Variants in CCBE1 observed in about 807,000 individuals in gnomAD.
CCBE1 encodes collagen and calcium binding EGF domains 1, also known as collagen and calcium-binding EGF domain-containing protein 1.
Under a neutral mutation model 50.0 loss-of-function variants are expected in CCBE1, and 37 were observed. That is an observed-to-expected ratio of 0.74 (90% confidence interval 0.57 to 0.97). The LOEUF is 0.97. Ranked by LOEUF, CCBE1 falls within the 50% of genes least tolerant of loss-of-function variation. CCBE1 has a pLI of 0.00. For synonymous variants in CCBE1, 234 were observed against 203.7 expected (o/e 1.15, Z -1.27); for missense variants, 538 against 523.8 (o/e 1.03, Z -0.26).
chr18:59,606,821 T>C (rs1333930668), intron 2 of CCBE1, among the ~76,000 whole-genome samples: 1 of 152,214 alleles, frequency 6.6e-6, no homozygotes, highest in Non-Finnish European at 1.5e-5. Flanking sequence ...TCACTACATA[T>C]TTCGACAGCT....
intron 6 of CCBE1, 68 bp from the exon 7 acceptor site, chr18:59,448,171 T>C: frequency 6.2e-7 from 1 of 1,604,058 alleles, no homozygotes; most frequent in Non-Finnish European, 8.5e-7. Flanking sequence ...TTTGTCTTGG[T>C]GGGAGAAGCT....
At chr18:59,454,816 T>A in intron 6 of CCBE1, 35 bp downstream of exon 6, 1 of 1,553,848 alleles carries the variant, frequency 6.4e-7, no homozygotes, top group South Asian at 1.1e-5. Flanking sequence ...CCTCCTTCCA[T>A]CAGGCATCAT....
At chr18:59,472,046 C>T (rs994820062) in intron 3 of CCBE1, among the ~76,000 whole-genome samples, 1 of 152,222 alleles carries the variant, frequency 6.6e-6, no homozygotes, top group African/African-American at 2.4e-5. Context: ...TTTTTTCCAA[C>T]ACTTGCAAAA....
chr18:59,678,347 T>G (rs1047541911), intron 2 of CCBE1, among the ~76,000 whole-genome samples: 1 of 152,154 alleles, frequency 6.6e-6, no homozygotes, highest in Non-Finnish European at 1.5e-5. Flanking sequence ...TTCTAACTGC[T>G]GCAATTTAAA....
At chr18:59,621,729 C>G (rs2053712788) in intron 2 of CCBE1, among the ~76,000 whole-genome samples, 1 of 152,224 alleles carries the variant, frequency 6.6e-6, no homozygotes, top group African/African-American at 2.4e-5. Flanking sequence ...CCCTCTGTCA[C>G]TTACATGGCC....
At chr18:59,452,464 G>A (rs1910984743) in intron 6 of CCBE1, among the ~76,000 whole-genome samples, 1 of 152,114 alleles carries the variant, frequency 6.6e-6, no homozygotes, top group Admixed American at 6.6e-5. Flanking sequence ...CATGGTGGTA[G>A]GCACCTGTAA....
At chr18:59,659,201 G>C (rs1363373570) in intron 2 of CCBE1, among the ~76,000 whole-genome samples, 2 of 152,092 alleles carry the variant, frequency 1.3e-5, no homozygotes, top group Non-Finnish European at 2.9e-5. Flanking sequence ...TGAGGATTAT[G>C]TTACTGGAGA....
intron 2 of CCBE1, among the ~76,000 whole-genome samples, chr18:59,646,800 G>A (rs2054060242): frequency 6.6e-6 from 1 of 152,184 alleles, no homozygotes; most frequent in African/African-American, 2.4e-5. Context: ...TGAGATGCTG[G>A]TCCATGTGTT....
chr18:59,573,178 G>A (rs995180725), intron 2 of CCBE1, among the ~76,000 whole-genome samples: 16 of 150,624 alleles, frequency 1.1e-4, no homozygotes, highest in Non-Finnish European at 1.9e-4. Context: ...CTAGCTACTC[G>A]GGAGGCTGAG....
At chr18:59,486,118 C>A (rs141616042) in intron 2 of CCBE1, among the ~76,000 whole-genome samples, 58 of 152,236 alleles carry the variant, frequency 3.8e-4, no homozygotes, top group African/African-American at 1.4e-3. Context: ...TCTTGCTGAG[C>A]TTCAGACTCC....
rs576642029 is a variant in CCBE1, at chr18:59,469,337, T to C, written c.400+136A>G. 7 of 1,212,002 alleles carry C rather than the reference T, an allele frequency of 5.8e-6. No individual in the cohort carries two copies. The African/African-American group carries it at 1.0e-4, about 18-fold the overall frequency. 75.1% of individuals were successfully genotyped at this position (1,212,002 alleles called of 1,614,324 possible). A position where few individuals can be genotyped will look rare whatever the true frequency, so the allele number is the denominator to read the frequency against. ...TTTTAGTAATTGTGATGAAGGGCAGTGATAAGCTATCCCTAGGATAATATC... is the reference window on the plus strand; with the variant it reads ...TTTTAGTAATTGTGATGAAGGGCAGCGATAAGCTATCCCTAGGATAATATC... On this transcript the variant is annotated intron_variant, in intron 4 of 10. Transcript: ENST00000439986.
intron 2 of CCBE1, among the ~76,000 whole-genome samples, chr18:59,646,668 C>T (rs931213679): frequency 6.6e-6 from 1 of 152,282 alleles, no homozygotes; most frequent in South Asian, 2.1e-4. Context: ...GAATAGCTGC[C>T]CTAGAGGAAT....
At chr18:59,671,812 T>G (rs1330783760) in intron 2 of CCBE1, among the ~76,000 whole-genome samples, 2 of 132,152 alleles carry the variant, frequency 1.5e-5, no homozygotes, top group African/African-American at 2.8e-5. Context: ...GTGGGAAGGT[T>G]AAAAAAAAAG....
intron 2 of CCBE1, among the ~76,000 whole-genome samples, chr18:59,673,637 G>GT (rs544951519): frequency 1.3e-4 from 20 of 152,164 alleles, no homozygotes; most frequent in Non-Finnish European, 2.1e-4. Flanking sequence ...TTTATGGAGA[G>GT]TTTTTTAACA....
chr18:59,622,496 T>G (rs1233581226), intron 2 of CCBE1, among the ~76,000 whole-genome samples: 21 of 138,650 alleles, frequency 1.5e-4, no homozygotes, highest in Non-Finnish European at 2.5e-4. Flanking sequence ...AGAGTGAGAC[T>G]TCATCTTAAA....
intron 2 of CCBE1, among the ~76,000 whole-genome samples, chr18:59,609,372 G>A (rs1568232312): frequency 6.6e-6 from 1 of 152,148 alleles, no homozygotes; most frequent in African/African-American, 2.4e-5. Flanking sequence ...AACTTAGTAG[G>A]TCCAAATCTG....
At position 59,438,789 on chromosome 18, in the gene CCBE1, T is replaced by C. The variant is rs116471639; in HGVS notation, c.952-643A>G. Among the ~76,000 whole-genome samples, 474 of 152,294 alleles carry C rather than the reference T, an allele frequency of 3.1e-3. 2 individuals are homozygous for C. The highest frequency in any genetic ancestry group is 0.011 in the African/African-American group (445 of 41,556). ...GTATCTGTGTCTCACTTCTGCTGCATGCAAAATGGGGTTGGTAAACAGTGT... is the reference window on the plus strand; with the variant it reads ...GTATCTGTGTCTCACTTCTGCTGCACGCAAAATGGGGTTGGTAAACAGTGT... On this transcript the variant is annotated intron_variant, in intron 9 of 10. Coordinates refer to ENST00000439986, the MANE Select transcript of CCBE1 (RefSeq NM_133459.4).
intron 2 of CCBE1, among the ~76,000 whole-genome samples, chr18:59,493,904 G>C (rs931477573): frequency 2.0e-5 from 3 of 152,122 alleles, no homozygotes; most frequent in Admixed American, 6.5e-5. Context: ...GAGATCTGAT[G>C]ATTTTTTAAA....
intron 2 of CCBE1, among the ~76,000 whole-genome samples, chr18:59,535,959 A>G (rs972042345): frequency 2.6e-5 from 4 of 152,194 alleles, no homozygotes; most frequent in Admixed American, 6.5e-5. Flanking sequence ...AAGTGTTTGG[A>G]TTACAGGCAC....
Sources: allele counts gnomAD v4.1 joint callset (sites outside exome capture counted in the v4.1 genomes callset), GRCh38; gene constraint gnomAD v4.1.1; transcripts MANE v1.5; gene names NCBI Gene and HGNC (gene_info 2026-07-23, HGNC 2026-07-21).